The following COL14A1 variants were observed in gnomAD, a reference collection of about 807,000 sequenced individuals.
COL14A1 encodes the protein collagen alpha-1(XIV) chain.
In COL14A1, 136 loss-of-function variants were observed where a neutral mutation model predicts 230.3. The ratio of observed to expected loss-of-function variants is 0.59; its 90% confidence interval spans 0.51 to 0.68. The LOEUF (loss-of-function observed/expected upper bound fraction) is 0.68, where lower values mean the gene tolerates loss of function less well. Ranked by LOEUF, COL14A1 falls within the 30% of genes least tolerant of loss-of-function variation. The probability of loss-of-function intolerance (pLI) is 0.00; values close to 1 mark genes in which losing one functional copy is unlikely to be tolerated. For synonymous variants in COL14A1, 792 were observed against 784.1 expected, an observed-to-expected ratio of 1.01 and a Z score of -0.17; for missense variants, 1,976 against 2,215.8, an observed-to-expected ratio of 0.89 and a Z score of 2.17.
At chr8:120,241,436 CTGAAAAGCTT>C (rs1563691369) in intron 19 of COL14A1, among the ~76,000 whole-genome samples, 1 of 152,078 alleles carries the variant, frequency 6.6e-6, no homozygotes, top group African/African-American at 2.4e-5. Context: ...CCAGGTTGCT[CTGAAAAGCTT>C]TGGGTGATAT....
At chr8:120,141,806 A>G (rs1481050963) in intron 1 of COL14A1, among the ~76,000 whole-genome samples, 1 of 152,196 alleles carries the variant, frequency 6.6e-6, no homozygotes, top group Non-Finnish European at 1.5e-5. Context: ...TCACAATAGG[A>G]GAAAAAGGTT....
At chr8:120,182,787 C>T (rs889071940) in intron 5 of COL14A1, among the ~76,000 whole-genome samples, 6 of 134,688 alleles carry the variant, frequency 4.5e-5, no homozygotes, top group Non-Finnish European at 9.1e-5. Context: ...AGTGCAATGG[C>T]GTGATCTCAG....
chr8:120,333,620 A>G (rs1821945276), intron 42 of COL14A1, among the ~76,000 whole-genome samples: 1 of 152,240 alleles, frequency 6.6e-6, no homozygotes, highest in African/African-American at 2.4e-5. Context: ...ACAAATTGCC[A>G]CAATCTCAGT....
rs183691751 is a variant in COL14A1, at chr8:120,125,851, C to A, written c.-38+511C>A. Among the ~76,000 whole-genome samples the A allele has an allele frequency of 9.8e-5, 15 of 152,296 alleles. No homozygotes were observed. The East Asian group carries it at 1.5e-3, about 16-fold the overall frequency. On this transcript the variant is annotated intron_variant, in intron 1 of 47. Transcript: ENST00000297848. ...TCATAGGGGACGAAACTCACCCAGT[C>A]ACCTGTTGGCTCTGCTACAGATTTG...
intron 2 of COL14A1, among the ~76,000 whole-genome samples, chr8:120,151,632 T>G (rs907458700): frequency 1.4e-4 from 13 of 90,792 alleles, no homozygotes; most frequent in African/African-American, 4.1e-4. Flanking sequence ...AGAGCAAGAC[T>G]CCGTCTCAAA....
At chr8:120,215,831 A>G (rs1392290521) in intron 13 of COL14A1, among the ~76,000 whole-genome samples, 1 of 152,180 alleles carries the variant, frequency 6.6e-6, no homozygotes, top group Non-Finnish European at 1.5e-5. Context: ...AGACTGAGGG[A>G]AGAGGCAAGA....
chr8:120,202,588 A>G (rs1048186574), intron 8 of COL14A1, among the ~76,000 whole-genome samples: 1 of 152,126 alleles, frequency 6.6e-6, no homozygotes, highest in African/African-American at 2.4e-5. Flanking sequence ...TATCTCTAAC[A>G]TTGTTGGTAA....
intron 42 of COL14A1, 119 bp from the exon 43 acceptor site, chr8:120,341,206 T>G: frequency 1.1e-6 from 1 of 949,100 alleles, no homozygotes; most frequent in Non-Finnish European, 1.7e-6. Context: ...GTAATGATTT[T>G]TGCTGCAGAA....
At chr8:120,311,131 C>G (rs1483010007) in intron 37 of COL14A1, among the ~76,000 whole-genome samples, 1 of 152,136 alleles carries the variant, frequency 6.6e-6, no homozygotes, top group Non-Finnish European at 1.5e-5. Context: ...ACTACCCAAT[C>G]CAAAATTCAG....
intron 12 of COL14A1, 46 bp downstream of exon 12, chr8:120,209,947 T>C (rs1001656545): frequency 3.4e-5 from 44 of 1,294,798 alleles, no homozygotes; most frequent in Non-Finnish European, 4.4e-5. Flanking sequence ...TTTATTTCCT[T>C]AAATAAAATA....
chr8:120,234,076 G>A (rs1450399733), intron 19 of COL14A1, among the ~76,000 whole-genome samples: 1 of 151,020 alleles, frequency 6.6e-6, no homozygotes, highest in Non-Finnish European at 1.5e-5. Flanking sequence ...TCCCTTTGTA[G>A]CAATTGTGAA....
chr8:120,371,697 A>T lies in COL14A1; in HGVS notation c.*466A>T, dbSNP rs772867488. The T allele has an allele frequency of 2.1e-4, 84 of 398,458 alleles. No individual in the cohort carries two copies. Among genetic ancestry groups the T allele is most frequent in the Middle Eastern group, 1.9e-3 (3 of 1,582 alleles). The allele number at this position is 398,458 out of a possible 1,614,324, so 24.7% of individuals were successfully genotyped here. A position where few individuals can be genotyped will look rare whatever the true frequency, so the allele number is the denominator to read the frequency against. ...CTTGCTGATAAGAAAAAAAGGGACA[A>T]TATTGGAGAAACTACCTCTTGTTTA... On this transcript the variant is annotated 3_prime_UTR_variant, in exon 48 of 48. Coordinates refer to ENST00000297848, the MANE Select transcript of COL14A1 (RefSeq NM_021110.4).
At chr8:120,191,798 A>G (rs1237373715) in intron 5 of COL14A1, among the ~76,000 whole-genome samples, 1 of 152,092 alleles carries the variant, frequency 6.6e-6, no homozygotes, top group Non-Finnish European at 1.5e-5. Context: ...ACAATTATGT[A>G]ATGGCCTTCT....
chr8:120,157,126 C>T (rs1815506947), intron 2 of COL14A1, among the ~76,000 whole-genome samples: 1 of 152,076 alleles, frequency 6.6e-6, no homozygotes, highest in South Asian at 2.1e-4. Flanking sequence ...GAATGACCTA[C>T]ACAAAAAGTA....
At chr8:120,209,959 A>C (rs915454172) in intron 12 of COL14A1, 58 bp downstream of exon 12, 8 of 1,257,978 alleles carry the variant, frequency 6.4e-6, no homozygotes, top group Middle Eastern at 3.0e-4. Context: ...AATAAAATAA[A>C]ATTTTTATTG....
In COL14A1 at chr8:120,315,095, C is replaced by T. The variant is rs113232881; in HGVS notation, c.4552-438C>T. Among the ~76,000 whole-genome samples, 648 of 152,206 alleles carry T rather than the reference C, an allele frequency of 4.3e-3. 3 individuals carry two copies. The highest frequency in any genetic ancestry group is 0.014 in the African/African-American group (582 of 41,530). On this transcript the variant is annotated intron_variant, in intron 38 of 47. Coordinates refer to ENST00000297848, the MANE Select transcript of COL14A1 (RefSeq NM_021110.4). ...AGTGAAATATATTCTGTTGGCCAGG[C>T]GCAATGGCTCATGCCTGTAATCCTA... is the stretch of plus-strand genomic sequence containing the variant.
intron 8 of COL14A1, among the ~76,000 whole-genome samples, chr8:120,200,153 A>G (rs148509512): frequency 0.018 from 2,030 of 112,874 alleles, 49 homozygotes; most frequent in African/African-American, 0.069. Context: ...GGCAATGGGA[A>G]CGTCTTCTAT....
rs572506698 is a variant in COL14A1, at chr8:120,318,465, G to A, written c.4659+2468G>A. Among the ~76,000 whole-genome samples, 7 of 152,260 alleles carry A rather than the reference G, an allele frequency of 4.6e-5. No individual in the cohort carries two copies. The East Asian group carries it at 1.4e-3, about 29-fold the overall frequency. ...TATTTAGGTGGCTCTGATCTGTTCA[G>A]TCAACTGATCTGAGGGCTTAAGGAT... On this transcript the variant is annotated intron_variant, in intron 40 of 47. Coordinates refer to ENST00000297848, the MANE Select transcript of COL14A1 (RefSeq NM_021110.4).
chr8:120,158,607 A>G (rs1586725193), intron 3 of COL14A1, among the ~76,000 whole-genome samples: 1 of 152,234 alleles, frequency 6.6e-6, no homozygotes. Flanking sequence ...ATAGAATAAT[A>G]TTCAGCATTA....
Sources: allele counts gnomAD v4.1 joint callset (sites outside exome capture counted in the v4.1 genomes callset), GRCh38; gene constraint gnomAD v4.1.1; transcripts MANE v1.5; gene names NCBI Gene and HGNC (gene_info 2026-07-23, HGNC 2026-07-21).